NMUR2: variants seen among roughly 807,000 people sequenced by gnomAD.
NMUR2 encodes neuromedin-U receptor 2.
A neutral mutation model predicts 25.1 loss-of-function variants in NMUR2; 24 were observed. The ratio of observed to expected loss-of-function variants is 0.96; its 90% CI spans 0.69 to 1.34. The LOEUF (loss-of-function observed/expected upper bound fraction) is 1.34. Among genes scored for constraint, NMUR2 ranks in the 40% most tolerant of loss-of-function variants. The probability of loss-of-function intolerance (pLI) is 0.00; values close to 1 mark genes in which losing one functional copy is unlikely to be tolerated. For missense variants in NMUR2, 533 were observed against 512.8 expected (o/e 1.04, Z -0.38); for synonymous variants, 218 against 208.1 (o/e 1.05, Z -0.41).
At chr5:152,393,911 C>T (rs1232037837) in intron 3 of NMUR2, among the ~76,000 whole-genome samples, 1 of 152,056 alleles carries the variant, frequency 6.6e-6, no homozygotes, top group Non-Finnish European at 1.5e-5. Context: ...ATGTGCAGAA[C>T]TCTCTAATTA....
chr5:152,394,279 G>A (rs1408595981), intron 3 of NMUR2, among the ~76,000 whole-genome samples: 1 of 152,182 alleles, frequency 6.6e-6, no homozygotes, highest in Non-Finnish European at 1.5e-5. Flanking sequence ...GAACAGGAAA[G>A]TGCTAATGTC....
chr5:152,397,061 G>A (rs1204103322), intron 2 of NMUR2, among the ~76,000 whole-genome samples: 1 of 128,760 alleles, frequency 7.8e-6, no homozygotes, highest in Non-Finnish European at 1.7e-5. Flanking sequence ...AAGGAGAAAA[G>A]GGGAGGGATA....
rs182458690 is a variant in NMUR2, at chr5:152,404,802, A to G, written c.312T>C (p.Tyr104=). 1.1e-4 allele frequency: 179 copies of G among 1,613,620 alleles called. 1 individual carries two copies. The East Asian group carries it at 3.9e-3, about 35-fold the overall frequency. Reference sequence around the variant, plus strand: ...AGAAAGGGTAGTTGCGCCACATCTCATAGACCTCCAGGGGCATTCCAAGGA... The same window carrying G: ...AGAAAGGGTAGTTGCGCCACATCTCGTAGACCTCCAGGGGCATTCCAAGGA... ...VLLLGMPLEV[Y]EMWRNYPFLF... The change falls in exon 1 of 4, where the codon TAT becomes TAC. Residue 104 remains tyrosine (Y), a synonymous_variant. Transcript: ENST00000255262.
In NMUR2 at chr5:152,405,009, G is replaced by A. The variant is rs762470503; in HGVS notation, c.105C>T (p.Phe35=). ...AGTGGCTGCGCCGAGGTCCGCAGAG[G>A]AAGGCCAGATACTCCTCGGTGCTGT... The part of the protein sequence containing the change: ...HLNSTEEYLA[F]LCGPRRSHFF... The change falls in exon 1 of 4, where the codon TTC becomes TTT. Residue 35 remains phenylalanine, a synonymous_variant. Coordinates refer to ENST00000255262, the MANE Select transcript of NMUR2 (RefSeq NM_020167.5). 1.2e-6 allele frequency: 2 copies of A among 1,613,970 alleles called. No homozygotes were observed. The highest frequency in any genetic ancestry group is 1.7e-6 in the Non-Finnish European group (2 of 1,179,968).
rs774545997 is a variant in NMUR2 at position 152,392,255 on chromosome 5, G to C, written c.1184C>G (p.Ala395Gly). 1.9e-6 allele frequency: 3 copies of C among 1,613,816 alleles called. No individual in the cohort carries two copies. The South Asian group carries it at 3.3e-5, about 18-fold the overall frequency. ...QSSMHNSHLPAALSSEQMSRT... is the reference protein window; with the variant it reads ...QSSMHNSHLPGALSSEQMSRT... ...TGACATCTGTTCACTAGAGAGGGCTGCTGGGAGGTGAGAGTTGTGCATGGA... is the reference window on the plus strand; with the variant it reads ...TGACATCTGTTCACTAGAGAGGGCTCCTGGGAGGTGAGAGTTGTGCATGGA... The change falls in exon 4 of 4, where the codon GCA becomes GGA. Residue 395 changes from alanine to glycine, a missense_variant. By Grantham distance (60) the Ala-to-Gly change is moderately conservative (BLOSUM62 0). Transcript: ENST00000255262.
chr5:152,402,731 G>A (rs1753278856), intron 1 of NMUR2, among the ~76,000 whole-genome samples: 1 of 152,158 alleles, frequency 6.6e-6, no homozygotes, highest in African/African-American at 2.4e-5. Flanking sequence ...CTTTGGAGTT[G>A]TATAGAAGTC....
At chr5:152,396,327 G>A (rs925444919) in intron 2 of NMUR2, among the ~76,000 whole-genome samples, 2 of 151,826 alleles carry the variant, frequency 1.3e-5, no homozygotes, top group Admixed American at 6.6e-5. Context: ...GAGAGATAAG[G>A]GTATACATGA....
chr5:152,398,326 A>G (rs1561697750), intron 1 of NMUR2, among the ~76,000 whole-genome samples, 182 bp from the exon 2 acceptor site: 1 of 152,180 alleles, frequency 6.6e-6, no homozygotes, highest in Non-Finnish European at 1.5e-5. Context: ...CAGGTCATCT[A>G]CTCAACTGGA....
intron 2 of NMUR2, 118 bp from the exon 3 acceptor site, chr5:152,395,702 A>G (rs1753137970): frequency 1.2e-5 from 15 of 1,208,046 alleles, no homozygotes; most frequent in South Asian, 1.6e-5. Context: ...TTGTTAAGCT[A>G]TAACAGTTAT....
In NMUR2 at chr5:152,405,170, GAAAAAAAA is replaced by G. The variant is rs71669210; in HGVS notation, c.-65_-58del. The G allele has an allele frequency of 5.4e-5, 63 of 1,156,080 alleles. No homozygotes were observed. In the African/African-American group the frequency reaches 7.8e-4, roughly 14 times the overall value. The allele number at this position is 1,156,080 out of a possible 1,614,324, so 71.6% of individuals were successfully genotyped here. On this transcript the variant is annotated 5_prime_UTR_variant, in exon 1 of 4. Transcript: ENST00000255262. Reference sequence around the variant, plus strand: ...GAGGCTCTGTTTCAAGCTGAGCCAGGAAAAAAAAAAAAAAAAGAAAAAAGGAAAACAAA... The same window carrying G: ...GAGGCTCTGTTTCAAGCTGAGCCAGGAAAAAAAAGAAAAAAGGAAAACAAA...
chr5:152,401,178 C>T (rs745519392), intron 1 of NMUR2, among the ~76,000 whole-genome samples: 1 of 152,102 alleles, frequency 6.6e-6, no homozygotes, highest in Non-Finnish European at 1.5e-5. Context: ...AGATATTCAA[C>T]CATTCATTAT....
intron 1 of NMUR2, among the ~76,000 whole-genome samples, chr5:152,401,118 G>A (rs1269120219): frequency 6.6e-6 from 1 of 152,170 alleles, no homozygotes; most frequent in Non-Finnish European, 1.5e-5. Flanking sequence ...AATATTCAAT[G>A]CTGCTTTATC....
chr5:152,404,546 GGAACTT>G lies in NMUR2; in HGVS notation c.562_567del (p.Lys188_Phe189del). 6.2e-7 allele frequency: 1 copy of G among 1,614,170 alleles called. No individual in the cohort carries two copies. Among genetic ancestry groups the G allele is most frequent in the Non-Finnish European group, 8.5e-7 (1 of 1,180,022 alleles). On this transcript the variant is annotated inframe_deletion, in exon 1 of 4. Coordinates refer to ENST00000255262, the MANE Select transcript of NMUR2 (RefSeq NM_020167.5). ...ACCAGGGACCCATTGGGGAAGTAGT[GGAACTT>G]GATGCCATGGATGCTGGTGTTGGGC... is the stretch of plus-strand genomic sequence containing the variant.
Position 152,405,187 on chromosome 5 carries a change from GA to G in NMUR2, c.-75del. The G allele has an allele frequency of 1.6e-6, 2 of 1,216,948 alleles. No individual in the cohort carries two copies. The highest frequency in any genetic ancestry group is 2.4e-5 in the Admixed American group (1 of 41,332). 75.4% of individuals were successfully genotyped at this position (1,216,948 alleles called of 1,614,324 possible). ...TGAGCCAGGAAAAAAAAAAAAAAAA[GA>G]AAAAAGGAAAACAAAAAAGAGAAAG... On this transcript the variant is annotated 5_prime_UTR_variant, in exon 1 of 4. Transcript: ENST00000255262.
At chr5:152,398,244 G>T in intron 1 of NMUR2, 100 bp from the exon 2 acceptor site, 1 of 765,032 alleles carries the variant, frequency 1.3e-6, no homozygotes, top group Non-Finnish European at 2.2e-6. Context: ...TTTGAAGACA[G>T]AAGAACTGAG....
In NMUR2 at chr5:152,404,761, C is replaced by T. The variant is rs141741005; in HGVS notation, c.353G>A (p.Gly118Asp). 2.6e-5 allele frequency: 42 copies of T among 1,614,106 alleles called. No individual in the cohort carries two copies. The highest frequency in any genetic ancestry group is 3.3e-5 in the Non-Finnish European group (39 of 1,180,020). ...AAAGAGGGCCGTCTTGAAGTAGCAG[C>T]CCACGGGCCCGAACAAGAAAGGGTA... ...RNYPFLFGPV[G>D]CYFKTALFET... Residue 118 changes from glycine (G) to aspartate (D), a missense_variant, in exon 1 of 4, where the codon GGC (glycine) becomes GAC (aspartate). Coordinates refer to ENST00000255262, the MANE Select transcript of NMUR2 (RefSeq NM_020167.5).
chr5:152,402,296 T>G (rs1753270216), intron 1 of NMUR2, among the ~76,000 whole-genome samples: 1 of 152,042 alleles, frequency 6.6e-6, no homozygotes, highest in Non-Finnish European at 1.5e-5. Context: ...ACAGGTATAG[T>G]GTACATAAAG....
rs1244419239 is a variant in NMUR2 at position 152,405,105 on chromosome 5, C to T, written c.9G>A (p.Gly3=). The change falls in exon 1 of 4, where the codon GGG becomes GGA. Residue 3 remains glycine, a synonymous_variant. Transcript: ENST00000255262. MS[G]MEKLQNASWI... Reference sequence around the variant, plus strand: ...AGGAAGCATTCTGAAGTTTTTCCATCCCTGACATTAAAATCCAAGGCCTGA... The same window carrying T: ...AGGAAGCATTCTGAAGTTTTTCCATTCCTGACATTAAAATCCAAGGCCTGA... 4 of 1,606,376 alleles carry T rather than the reference C, an allele frequency of 2.5e-6. No homozygotes were observed. The African/African-American group carries it at 5.4e-5, about 22-fold the overall frequency.
At chr5:152,401,601 C>G (rs1271971861) in intron 1 of NMUR2, among the ~76,000 whole-genome samples, 1 of 152,160 alleles carries the variant, frequency 6.6e-6, no homozygotes, top group African/African-American at 2.4e-5. Flanking sequence ...ATTCATACAT[C>G]CATCCTCATC....
Sources: gnomAD v4.1 joint callset for allele counts (sites outside exome capture counted in the v4.1 genomes callset) on GRCh38, gnomAD v4.1.1 for gene constraint, MANE v1.5 for transcripts, NCBI Gene and HGNC (gene_info 2026-07-23, HGNC 2026-07-21) for gene names.